The following GRID2 variants were observed in gnomAD, a reference collection of about 807,000 sequenced individuals.
The protein encoded by GRID2 is glutamate ionotropic receptor delta type subunit 2.
Under a neutral mutation model 114.8 loss-of-function variants are expected in GRID2, and 33 were observed. The ratio of observed to expected loss-of-function variants is 0.29; its 90% CI spans 0.22 to 0.38. The LOEUF (loss-of-function observed/expected upper bound fraction) is 0.38. GRID2 is among the 10% of genes least tolerant of loss of function. The pLI, the probability that GRID2 is intolerant of heterozygous loss-of-function variation, is 1.00. For synonymous variants in GRID2, 505 were observed against 449.9 expected (o/e 1.12, Z -1.55); for missense variants, 1,184 against 1,257.7 (o/e 0.94, Z 0.89).
chr4:93,313,930 T>C (rs137886777), intron 8 of GRID2, among the ~76,000 whole-genome samples: 1 of 152,142 alleles, frequency 6.6e-6, no homozygotes, highest in East Asian at 1.9e-4. Flanking sequence ...GCAGCTAGCA[T>C]GTGTAAAAAG....
At chr4:93,039,911 G>A (rs1560819238) in intron 2 of GRID2, among the ~76,000 whole-genome samples, 1 of 152,106 alleles carries the variant, frequency 6.6e-6, no homozygotes, top group African/African-American at 2.4e-5. Flanking sequence ...GTATTAGTGT[G>A]CAAAAAGTTG....
chr4:92,463,168 A>G (rs2149089410), intron 1 of GRID2, among the ~76,000 whole-genome samples: 1 of 152,022 alleles, frequency 6.6e-6, no homozygotes, highest in African/African-American at 2.4e-5. Context: ...TAAAATTTTT[A>G]TTTAAAACTG....
intron 9 of GRID2, among the ~76,000 whole-genome samples, chr4:93,403,920 T>G (rs1766156113): frequency 6.6e-6 from 1 of 152,160 alleles, no homozygotes; most frequent in East Asian, 1.9e-4. Context: ...TGAAAACTTG[T>G]ACTCAAATGC....
chr4:92,310,711 T>A (rs1469933340), intron 1 of GRID2, among the ~76,000 whole-genome samples: 2 of 152,056 alleles, frequency 1.3e-5, no homozygotes, highest in South Asian at 4.1e-4. Flanking sequence ...TAGTCTTCAT[T>A]TTTATCAACC....
intron 2 of GRID2, among the ~76,000 whole-genome samples, chr4:92,843,752 A>C (rs1463110228): frequency 6.6e-6 from 1 of 152,164 alleles, no homozygotes; most frequent in East Asian, 1.9e-4. Context: ...AATAACCTTC[A>C]AATATTTATA....
At chr4:92,584,594 C>T (rs865965682) in intron 1 of GRID2, among the ~76,000 whole-genome samples, 3 of 151,900 alleles carry the variant, frequency 2.0e-5, no homozygotes, top group Non-Finnish European at 4.4e-5. Context: ...ACTAGTCTTA[C>T]GATCAGCATT....
intron 13 of GRID2, among the ~76,000 whole-genome samples, chr4:93,576,045 A>T (rs190827333): frequency 2.6e-5 from 4 of 152,306 alleles, no homozygotes; most frequent in African/African-American, 9.6e-5. Context: ...TTAATTGAGA[A>T]GCTTGTGATA....
At chr4:93,402,181 A>G (rs966860349) in intron 9 of GRID2, among the ~76,000 whole-genome samples, 2 of 152,106 alleles carry the variant, frequency 1.3e-5, no homozygotes, top group Admixed American at 1.3e-4. Context: ...TAATACACCT[A>G]TGCTAAGAAG....
At chr4:93,409,367 G>C (rs936757504) in intron 9 of GRID2, among the ~76,000 whole-genome samples, 2 of 152,130 alleles carry the variant, frequency 1.3e-5, no homozygotes, top group Non-Finnish European at 2.9e-5. Flanking sequence ...TCTTGGAGGA[G>C]AGTTAATAGC....
intron 1 of GRID2, among the ~76,000 whole-genome samples, chr4:92,533,476 CATACAT>C (rs1391156668): frequency 1.2e-4 from 18 of 151,954 alleles, no homozygotes; most frequent in Non-Finnish European, 2.2e-4. Context: ...TACATACATA[CATACAT>C]ACACACACAG....
intron 2 of GRID2, among the ~76,000 whole-genome samples, chr4:92,645,759 G>A (rs1016189849): frequency 7.9e-5 from 12 of 151,462 alleles, no homozygotes; most frequent in African/African-American, 2.9e-4. Flanking sequence ...TCTTCCCTCA[G>A]GCTTTTGAGA....
intron 2 of GRID2, among the ~76,000 whole-genome samples, chr4:92,669,902 C>T (rs577903456): frequency 1.3e-5 from 2 of 152,088 alleles, no homozygotes; most frequent in East Asian, 3.9e-4. Context: ...TTCTTGCATT[C>T]TAATCAACTA....
At chr4:93,123,183 TTC>T (rs1348963741) in intron 4 of GRID2, among the ~76,000 whole-genome samples, 1 of 152,080 alleles carries the variant, frequency 6.6e-6, no homozygotes, top group Admixed American at 6.6e-5. Flanking sequence ...TGCTACTAAC[TTC>T]TCCTAACAGC....
At chr4:93,659,677 A>G (rs951155516) in intron 14 of GRID2, among the ~76,000 whole-genome samples, 2 of 152,186 alleles carry the variant, frequency 1.3e-5, no homozygotes, top group South Asian at 2.1e-4. Flanking sequence ...AAGAAGAGAT[A>G]TAATGAAAGT....
At chr4:93,386,689 A>T (rs1290649895) in intron 8 of GRID2, among the ~76,000 whole-genome samples, 1 of 152,136 alleles carries the variant, frequency 6.6e-6, no homozygotes, top group Non-Finnish European at 1.5e-5. Flanking sequence ...CTGCTCAGGG[A>T]ACCCCAAACA....
intron 9 of GRID2, among the ~76,000 whole-genome samples, chr4:93,396,460 A>G (rs1359583860): frequency 2.0e-5 from 3 of 151,910 alleles, no homozygotes; most frequent in Non-Finnish European, 4.4e-5. Context: ...GATATGCTGG[A>G]CAAAGGGATG....
intron 14 of GRID2, 82 bp from the exon 15 acceptor site, chr4:93,769,128 G>A: frequency 7.5e-7 from 1 of 1,334,396 alleles, no homozygotes; most frequent in Non-Finnish European, 1.1e-6. Flanking sequence ...ATCCTACAGA[G>A]GTGGGATTAT....
In GRID2 at chr4:93,769,257, A is replaced by G; in HGVS notation, c.2408A>G (p.Lys803Arg). Residue 803 changes from lysine to arginine, a missense_variant, in exon 15 of 16, where the codon AAA becomes AGA. Lys to Arg is a conservative substitution (Grantham distance 26). Transcript: ENST00000282020. ...QNGDMDILKH[K>R]WWPKNGQCDL... ...GGTGACATGGACATCCTGAAGCACAAATGGTGGCCTAAGAATGGCCAGTGT... is the reference window on the plus strand; with the variant it reads ...GGTGACATGGACATCCTGAAGCACAGATGGTGGCCTAAGAATGGCCAGTGT... 1 of 1,613,798 alleles carries G rather than the reference A, an allele frequency of 6.2e-7. No individual in the cohort carries two copies. Among genetic ancestry groups the G allele is most frequent in the Non-Finnish European group, 8.5e-7 (1 of 1,179,690 alleles).
At chr4:93,765,793 G>A (rs186239979) in intron 14 of GRID2, among the ~76,000 whole-genome samples, 140 of 151,742 alleles carry the variant, frequency 9.2e-4, no homozygotes, top group African/African-American at 3.3e-3. Flanking sequence ...ATGAAGGAAG[G>A]AATAAATGAA....
Sources: gnomAD v4.1 joint callset for allele counts (sites outside exome capture counted in the v4.1 genomes callset) on GRCh38, gnomAD v4.1.1 for gene constraint, MANE v1.5 for transcripts, NCBI Gene and HGNC (gene_info 2026-07-23, HGNC 2026-07-21) for gene names.